Variants in SSBP2 observed in about 807,000 individuals in gnomAD.
SSBP2 encodes the protein single-stranded DNA-binding protein 2.
Under a neutral mutation model 61.8 loss-of-function variants are expected in SSBP2, and 17 were observed. The observed-to-expected ratio is 0.28, with a 90% confidence interval of 0.19 to 0.41. The LOEUF is 0.41. Among genes scored for constraint, SSBP2 ranks in the 10% least tolerant of loss-of-function variants. The pLI is 1.00. For synonymous variants in SSBP2, 139 were observed against 141.3 expected, an observed-to-expected ratio of 0.98 and a Z score of 0.12; for missense variants, 310 against 458.7, an observed-to-expected ratio of 0.68 and a Z score of 2.96.
At chr5:81,572,367 C>A (rs942471373) in intron 4 of SSBP2, among the ~76,000 whole-genome samples, 1 of 152,096 alleles carries the variant, frequency 6.6e-6, no homozygotes, top group Non-Finnish European at 1.5e-5. Flanking sequence ...TTGGAGAATA[C>A]AATTCTCTTA....
At chr5:81,481,491 G>C (rs1246300212) in intron 6 of SSBP2, among the ~76,000 whole-genome samples, 1 of 151,720 alleles carries the variant, frequency 6.6e-6, no homozygotes, top group African/African-American at 2.4e-5. Context: ...TGTGATGGTG[G>C]GCACTTGTAA....
intron 1 of SSBP2, among the ~76,000 whole-genome samples, chr5:81,715,905 A>G (rs1581408178): frequency 6.6e-6 from 1 of 152,104 alleles, no homozygotes. Flanking sequence ...AAAAAATTTA[A>G]AAATCAGCTG....
chr5:81,657,173 C>G (rs1428190167), intron 1 of SSBP2, among the ~76,000 whole-genome samples: 1 of 152,006 alleles, frequency 6.6e-6, no homozygotes, highest in Non-Finnish European at 1.5e-5. Flanking sequence ...AATAAACAAG[C>G]AATAAAAAAT....
intron 4 of SSBP2, among the ~76,000 whole-genome samples, chr5:81,594,852 G>A (rs1743541445): frequency 6.6e-6 from 1 of 152,110 alleles, no homozygotes; most frequent in Non-Finnish European, 1.5e-5. Context: ...AGTGTGTAGA[G>A]GGAAATTTAT....
chr5:81,529,462 C>G (rs951306830), intron 4 of SSBP2, among the ~76,000 whole-genome samples: 2 of 152,112 alleles, frequency 1.3e-5, no homozygotes, highest in African/African-American at 4.8e-5. Flanking sequence ...TAGCTCAGGT[C>G]AGTTAAGTTG....
At chr5:81,449,781 T>C (rs1561413537) in intron 10 of SSBP2, among the ~76,000 whole-genome samples, 1 of 152,190 alleles carries the variant, frequency 6.6e-6, no homozygotes, top group Non-Finnish European at 1.5e-5. Flanking sequence ...CTTTTCTCCT[T>C]ATTTGGTGTT....
chr5:81,695,758 C>T (rs776194936), intron 1 of SSBP2, among the ~76,000 whole-genome samples: 4 of 152,050 alleles, frequency 2.6e-5, no homozygotes, highest in Non-Finnish European at 5.9e-5. Context: ...CTAGGAACTT[C>T]TCTCTTTGCT....
intron 4 of SSBP2, among the ~76,000 whole-genome samples, chr5:81,598,629 AT>A (rs928012314): frequency 1.3e-5 from 2 of 152,144 alleles, no homozygotes; most frequent in Admixed American, 1.3e-4. Context: ...GTGGATTTTT[AT>A]AAAGCACAAA....
At chr5:81,482,807 T>C (rs1766092885) in intron 6 of SSBP2, among the ~76,000 whole-genome samples, 1 of 152,240 alleles carries the variant, frequency 6.6e-6, no homozygotes, top group Admixed American at 6.5e-5. Context: ...ACTTTTCCTT[T>C]GCATTCCTAA....
In SSBP2 at chr5:81,488,032, TATATATATATATATATATATATATATAA is replaced by T. The variant is rs1325052081; in HGVS notation, c.432+1190_432+1217del. 9.4e-4 allele frequency among the ~76,000 whole-genome samples: 15 copies of T among 15,938 alleles called. No individual in the cohort carries two copies. In the African/African-American group the frequency reaches 0.012, roughly 12 times the overall value. The allele number at this position is 15,938 out of a possible 152,430, so 10.5% of individuals were successfully genotyped here. On this transcript the variant is annotated intron_variant, in intron 6 of 16. Transcript: ENST00000320672. ...AATAATATATATATATATATATATA[TATATATATATATATATATATATATATAA>T]ATAAAATATCATATATTATATATAT...
chr5:81,548,169 A>G lies in SSBP2; in HGVS notation c.283-34452T>C, dbSNP rs79434163. Among the ~76,000 whole-genome samples, 1,168 of 152,266 alleles carry G rather than the reference A, an allele frequency of 7.7e-3. 20 individuals carry two copies. Among genetic ancestry groups the G allele is most frequent in the African/African-American group, 0.027 (1,121 of 41,548 alleles). ...ATATTGATGGCAGCTGACTGATCAG[A>G]GTGGTAGTTGCTGAATGAACCCTAA... is the stretch of plus-strand genomic sequence containing the variant. On this transcript the variant is annotated intron_variant, in intron 4 of 16. Transcript: ENST00000320672.
chr5:81,527,097 A>T (rs1362818698), intron 4 of SSBP2, among the ~76,000 whole-genome samples: 1 of 152,090 alleles, frequency 6.6e-6, no homozygotes, highest in Non-Finnish European at 1.5e-5. Flanking sequence ...AAGAAAAGTC[A>T]ACATGGCTGA....
chr5:81,740,949 AATG>A (rs1359948275), intron 1 of SSBP2, among the ~76,000 whole-genome samples: 5 of 152,148 alleles, frequency 3.3e-5, no homozygotes, highest in Non-Finnish European at 5.9e-5. Context: ...CCCAACTAAA[AATG>A]ATGAATATGC....
chr5:81,471,914 T>C (rs1244848082), intron 8 of SSBP2, among the ~76,000 whole-genome samples: 1 of 152,060 alleles, frequency 6.6e-6, no homozygotes, highest in Non-Finnish European at 1.5e-5. Context: ...TAGTTATATG[T>C]TGGTTAGAAA....
intron 1 of SSBP2, among the ~76,000 whole-genome samples, chr5:81,731,366 C>T (rs1449380258): frequency 1.3e-5 from 2 of 151,932 alleles, no homozygotes; most frequent in Admixed American, 6.6e-5. Context: ...AGAATTATTG[C>T]CCTCAAAAAG....
chr5:81,730,187 G>A (rs1317082484), intron 1 of SSBP2, among the ~76,000 whole-genome samples: 4 of 152,038 alleles, frequency 2.6e-5, no homozygotes, highest in Non-Finnish European at 2.9e-5. Context: ...TAAAATGAAC[G>A]CTTCATCATT....
intron 1 of SSBP2, among the ~76,000 whole-genome samples, chr5:81,736,191 C>CACACACACACA (rs1257403812): frequency 5.0e-5 from 3 of 60,294 alleles, no homozygotes; most frequent in African/African-American, 2.6e-4. Context: ...CACACACACT[C>CACACACACACA]TACGGCACTA....
chr5:81,586,734 G>GA (rs1445813548), intron 4 of SSBP2, among the ~76,000 whole-genome samples: 1 of 151,892 alleles, frequency 6.6e-6, no homozygotes, highest in East Asian at 1.9e-4. Flanking sequence ...TTTGATTTAG[G>GA]AAGGGTTCCT....
chr5:81,721,327 T>A (rs1755529466), intron 1 of SSBP2, among the ~76,000 whole-genome samples: 1 of 152,048 alleles, frequency 6.6e-6, no homozygotes, highest in African/African-American at 2.4e-5. Context: ...TCTATACAAC[T>A]CTTCCAACAC....
Sources: gnomAD v4.1 joint callset for allele counts (sites outside exome capture counted in the v4.1 genomes callset) on GRCh38, gnomAD v4.1.1 for gene constraint, MANE v1.5 for transcripts, NCBI Gene and HGNC (gene_info 2026-07-23, HGNC 2026-07-21) for gene names.